PDS5B: variants seen among roughly 807,000 people sequenced by gnomAD.
The protein encoded by PDS5B is sister chromatid cohesion protein PDS5 homolog B.
PDS5B carries 51 observed loss-of-function variants against 184.1 expected under a neutral mutation model. That is an observed-to-expected ratio of 0.28 (90% CI 0.22 to 0.35). The LOEUF (loss-of-function observed/expected upper bound fraction) is 0.35. PDS5B is among the 10% of genes least tolerant of loss of function. The pLI, the probability that PDS5B is intolerant of heterozygous loss-of-function variation, is 1.00. For missense variants in PDS5B, 1,180 were observed against 1,723.3 expected (o/e 0.68, Z 5.58); for synonymous variants, 566 against 569.2 (o/e 0.99, Z 0.08).
At chr13:32,607,588 G>C (rs183564440) in intron 1 of PDS5B, among the ~76,000 whole-genome samples, 2 of 152,356 alleles carry the variant, frequency 1.3e-5, no homozygotes, top group African/African-American at 4.8e-5. Context: ...CTTCAAAGCT[G>C]TCAGACAGGG....
At chr13:32,699,048 T>C (rs147057788) in intron 15 of PDS5B, among the ~76,000 whole-genome samples, 1 of 152,296 alleles carries the variant, frequency 6.6e-6, no homozygotes, top group African/African-American at 2.4e-5. Context: ...TTTCTGTTAT[T>C]GGAGATGCTA....
chr13:32,698,887 G>A (rs533087313), intron 15 of PDS5B, among the ~76,000 whole-genome samples: 2 of 152,142 alleles, frequency 1.3e-5, no homozygotes, highest in South Asian at 4.2e-4. Context: ...CGAGTAGCTG[G>A]GATTACAGTC....
At chr13:32,736,270 C>T (rs1953325892) in intron 21 of PDS5B, among the ~76,000 whole-genome samples, 1 of 151,850 alleles carries the variant, frequency 6.6e-6, no homozygotes, top group Admixed American at 6.6e-5. Flanking sequence ...GATTTTCTTT[C>T]TATCTAAAGA....
chr13:32,697,188 G>T (rs961602126), intron 15 of PDS5B, among the ~76,000 whole-genome samples: 68 of 152,232 alleles, frequency 4.5e-4, no homozygotes, highest in African/African-American at 1.6e-3. Flanking sequence ...AAAATATAAA[G>T]GATATACCTA....
Position 32,770,390 on chromosome 13 carries a change from T to C in PDS5B, c.3894T>C (p.Gly1298=). 2 of 1,609,142 alleles carry C rather than the reference T, an allele frequency of 1.2e-6. No individual in the cohort carries two copies. Among genetic ancestry groups the C allele is most frequent in the Middle Eastern group, 1.7e-4 (1 of 6,052 alleles). Residue 1298 remains glycine, a synonymous_variant, in exon 32 of 35, where the codon GGT becomes GGC. Transcript: ENST00000315596. The part of the protein sequence containing the change: ...GKRGRPPKPL[G]GGTPKEEPTM... ...GAGGCCGACCACCAAAACCTCTTGG[T>C]GGAGGTACACCAAAAGAAGAGCCAA...
At chr13:32,611,020 A>G (rs1443079405) in intron 1 of PDS5B, among the ~76,000 whole-genome samples, 2 of 151,840 alleles carry the variant, frequency 1.3e-5, no homozygotes, top group Non-Finnish European at 2.9e-5. Context: ...AGTAGTGTTA[A>G]TCTTTATGGT....
In PDS5B at chr13:32,770,467, C is replaced by T. The variant is rs761081588; in HGVS notation, c.3971C>T (p.Pro1324Leu). 1.2e-6 allele frequency: 2 copies of T among 1,612,610 alleles called. No homozygotes were observed. The highest frequency in any genetic ancestry group is 8.5e-7 in the Non-Finnish European group (1 of 1,179,712). The change falls in exon 32 of 35, where the codon CCA (proline) becomes CTA (leucine). Residue 1324 changes from proline (P) to leucine (L), a missense_variant. This residue lies in a region of PDS5B where 465 missense variants were observed against 497.8 expected (regional missense o/e 0.93). Coordinates refer to ENST00000315596, the MANE Select transcript of PDS5B (RefSeq NM_015032.4). The stretch of plus-strand genomic sequence containing the variant: ...AAAAAAAAATCTGGACCTCCAGCAC[C>T]AGAGGAGGAGGAAGAAGAAGAAAGA... ...GSKKKSGPPA[P>L]EEEEEEERQS...
intron 22 of PDS5B, 149 bp downstream of exon 22, chr13:32,741,297 TA>T (rs1953540667): frequency 4.0e-6 from 2 of 504,792 alleles, no homozygotes; most frequent in East Asian, 6.6e-5. Flanking sequence ...TGTGAGACTA[TA>T]GGGTAATAAT....
In PDS5B at chr13:32,735,557, A is replaced by C. The variant is rs142927996; in HGVS notation, c.2406+227A>C. ...TGACCTCAAATACATTCCTTGATAA[A>C]TATAAAATATAACCTGATGCTATCT... On this transcript the variant is annotated intron_variant, in intron 21 of 34. Coordinates refer to ENST00000315596, the MANE Select transcript of PDS5B (RefSeq NM_015032.4). 4.1e-3 allele frequency among the ~76,000 whole-genome samples: 632 copies of C among 152,320 alleles called. 6 individuals are homozygous for C. Among genetic ancestry groups the C allele is most frequent in the African/African-American group, 0.014 (589 of 41,574 alleles).
intron 19 of PDS5B, among the ~76,000 whole-genome samples, chr13:32,722,288 T>G (rs1952743763): frequency 6.6e-6 from 1 of 152,144 alleles, no homozygotes; most frequent in Admixed American, 6.5e-5. Context: ...GAGGTTGCAG[T>G]GAGCCGAGAT....
chr13:32,637,871 T>G (rs1371439596), intron 1 of PDS5B, among the ~76,000 whole-genome samples: 1 of 152,226 alleles, frequency 6.6e-6, no homozygotes, highest in Non-Finnish European at 1.5e-5. Context: ...TGACTTTTAG[T>G]TAGCTTTTAC....
At chr13:32,716,797 G>C (rs1341016365) in intron 19 of PDS5B, among the ~76,000 whole-genome samples, 2 of 140,272 alleles carry the variant, frequency 1.4e-5, no homozygotes, top group Non-Finnish European at 3.2e-5. Context: ...GGAGGTGGGG[G>C]GGTCAGCCCC....
At position 32,776,659 on chromosome 13, in the gene PDS5B, A is replaced by G. The variant is rs184105285; in HGVS notation, c.*1607A>G. The G allele has an allele frequency of 6.6e-6, 1 of 152,584 alleles. No homozygotes were observed. Among genetic ancestry groups the G allele is most frequent in the Admixed American group, 6.5e-5 (1 of 15,276 alleles). 9.5% of individuals were successfully genotyped at this position (152,584 alleles called of 1,614,324 possible). Reference sequence around the variant, plus strand: ...ACATTGAATAGTGGAACATTTTCATATGATACACCATTATGTTTAAGATAT... The same window carrying G: ...ACATTGAATAGTGGAACATTTTCATGTGATACACCATTATGTTTAAGATAT... On this transcript the variant is annotated 3_prime_UTR_variant, in exon 35 of 35. Coordinates refer to ENST00000315596, the MANE Select transcript of PDS5B (RefSeq NM_015032.4).
At chr13:32,726,954 C>G (rs543335463) in intron 19 of PDS5B, among the ~76,000 whole-genome samples, 17 of 151,886 alleles carry the variant, frequency 1.1e-4, no homozygotes, top group Non-Finnish European at 2.4e-4. Context: ...AATAAATGTC[C>G]TAGTTGTCTT....
intron 13 of PDS5B, among the ~76,000 whole-genome samples, chr13:32,691,797 A>G (rs473672): frequency 0.23 from 35,122 of 152,018 alleles, 4,378 homozygotes; most frequent in South Asian, 0.38. Flanking sequence ...CAACATGATT[A>G]TACTAGTTTA....
At chr13:32,605,658 C>T (rs1185866172) in intron 1 of PDS5B, among the ~76,000 whole-genome samples, 16 of 151,942 alleles carry the variant, frequency 1.1e-4, no homozygotes, top group African/African-American at 2.4e-4. Context: ...TGTCTAATAT[C>T]GATAGTGGGG....
At chr13:32,587,783 T>C (rs895857052) in intron 1 of PDS5B, among the ~76,000 whole-genome samples, 1 of 152,254 alleles carries the variant, frequency 6.6e-6, no homozygotes, top group Non-Finnish European at 1.5e-5. Flanking sequence ...TAAGAGGTGA[T>C]GGATGGGCAG....
At chr13:32,712,087 G>A (rs1952226137) in intron 19 of PDS5B, among the ~76,000 whole-genome samples, 1 of 152,084 alleles carries the variant, frequency 6.6e-6, no homozygotes, top group South Asian at 2.1e-4. Context: ...CATTGACAAA[G>A]TTCAAATTTG....
chr13:32,670,533 TA>T (rs1291261425), intron 7 of PDS5B, among the ~76,000 whole-genome samples: 4 of 152,172 alleles, frequency 2.6e-5, no homozygotes, highest in African/African-American at 7.2e-5. Flanking sequence ...CAGCCTAGGT[TA>T]TTTTTTTTTA....
Sources: allele counts gnomAD v4.1 joint callset (sites outside exome capture counted in the v4.1 genomes callset), GRCh38; gene constraint gnomAD v4.1.1; regional missense constraint gnomAD v4.1.1; transcripts MANE v1.5; gene names NCBI Gene and HGNC (gene_info 2026-07-23, HGNC 2026-07-21).